The following GOLGA5 variants were observed in gnomAD, a reference collection of about 807,000 sequenced individuals.
GOLGA5 encodes the protein golgin subfamily A member 5.
In GOLGA5, 50 loss-of-function variants were observed where a neutral mutation model predicts 93.5. The ratio of observed to expected loss-of-function variants is 0.53; its 90% CI spans 0.43 to 0.68. GOLGA5 has a LOEUF of 0.68. GOLGA5 is among the 30% of genes least tolerant of loss of function. The probability of loss-of-function intolerance (pLI) is 0.00; values close to 1 mark genes in which losing one functional copy is unlikely to be tolerated. For missense variants in GOLGA5, 760 were observed against 856.4 expected, an observed-to-expected ratio of 0.89 and a Z score of 1.40; for synonymous variants, 312 against 304.5, an observed-to-expected ratio of 1.02 and a Z score of -0.26.
intron 12 of GOLGA5, among the ~76,000 whole-genome samples, chr14:92,838,376 T>G (rs900742048): frequency 2.0e-5 from 3 of 152,088 alleles, no homozygotes; most frequent in South Asian, 2.1e-4. Context: ...TTGTGTTGTT[T>G]TTTTTTTCTG....
In GOLGA5 at chr14:92,809,523, G is replaced by C; in HGVS notation, c.992+4G>C. The C allele has an allele frequency of 6.4e-7, 1 of 1,559,248 alleles. No homozygotes were observed. The highest frequency in any genetic ancestry group is 8.8e-7 in the Non-Finnish European group (1 of 1,130,948). On this transcript the variant is annotated splice_donor_region_variant and intron_variant, in intron 4 of 12. Coordinates refer to ENST00000163416, the MANE Select transcript of GOLGA5 (RefSeq NM_005113.4). ...CCTTACAGAGTGAAAAATCACGGTA[G>C]GTGATTCTATGAATAATGAAAAAAA...
chr14:92,807,082 C>A (rs1307110066), intron 3 of GOLGA5, 119 bp downstream of exon 3: 3 of 653,338 alleles, frequency 4.6e-6, no homozygotes, highest in Non-Finnish European at 8.1e-6. Flanking sequence ...GGCGGATTGC[C>A]TGAGGTCAGG....
intron 5 of GOLGA5, 152 bp downstream of exon 5, chr14:92,810,529 T>C: frequency 2.0e-6 from 1 of 509,190 alleles, no homozygotes; most frequent in Non-Finnish European, 3.3e-6. Flanking sequence ...TTTGAAAATT[T>C]AGCTTGATCC....
intron 7 of GOLGA5, among the ~76,000 whole-genome samples, chr14:92,817,184 G>A (rs1436103868): frequency 2.0e-5 from 3 of 151,924 alleles, no homozygotes; most frequent in African/African-American, 7.3e-5. Flanking sequence ...CAAGTGATCC[G>A]CCCACCTCGG....
At chr14:92,820,786 C>T (rs958056121) in intron 8 of GOLGA5, among the ~76,000 whole-genome samples, 2 of 152,240 alleles carry the variant, frequency 1.3e-5, no homozygotes, top group African/African-American at 4.8e-5. Flanking sequence ...ACATCCTGCA[C>T]AGCCCTAGAT....
rs1222202103 is a variant in GOLGA5 at position 92,806,751 on chromosome 14, C to T, written c.560C>T (p.Ser187Leu). Reference protein sequence around the residue: ...GSQTHEAASNSDSSHEGQEES... With the variant: ...GSQTHEAASNLDSSHEGQEES... The stretch of plus-strand genomic sequence containing the variant: ...TTTTTTACAGAAGCTGCCAGTAACT[C>T]AGATTCTAGCCATGAAGGTCAAGAG... The change falls in exon 3 of 13, where the codon TCA (serine) becomes TTA (leucine). Residue 187 changes from serine to leucine, a missense_variant. Physicochemically the swap from Ser to Leu is moderately radical, Grantham distance 145 (BLOSUM62 -2). Transcript: ENST00000163416. 6.2e-7 allele frequency: 1 copy of T among 1,612,570 alleles called. No homozygotes were observed. Among genetic ancestry groups the T allele is most frequent in the Non-Finnish European group, 8.5e-7 (1 of 1,178,690 alleles).
At chr14:92,795,112 C>CT (rs898449493) in intron 1 of GOLGA5, among the ~76,000 whole-genome samples, 12 of 152,074 alleles carry the variant, frequency 7.9e-5, no homozygotes, top group Non-Finnish European at 1.8e-4. Context: ...TTTTTTATTA[C>CT]TTTTTTTGTA....
At chr14:92,796,005 A>G (rs1317022558) in intron 1 of GOLGA5, among the ~76,000 whole-genome samples, 3 of 152,252 alleles carry the variant, frequency 2.0e-5, no homozygotes, top group African/African-American at 7.2e-5. Flanking sequence ...TAAGTACTCA[A>G]ATATATGTAT....
At chr14:92,803,361 C>T (rs1002703095) in intron 2 of GOLGA5, among the ~76,000 whole-genome samples, 1 of 152,118 alleles carries the variant, frequency 6.6e-6, no homozygotes, top group African/African-American at 2.4e-5. Flanking sequence ...TAAGCGAAAT[C>T]GGCCTGCGAT....
intron 10 of GOLGA5, among the ~76,000 whole-genome samples, chr14:92,835,213 G>T (rs1414122053): frequency 3.9e-5 from 6 of 152,154 alleles, no homozygotes; most frequent in African/African-American, 7.2e-5. Context: ...ACACATTTGG[G>T]AGTCCTCTGC....
intron 2 of GOLGA5, 80 bp from the exon 3 acceptor site, chr14:92,806,656 G>C (rs1884992481): frequency 3.3e-6 from 3 of 918,502 alleles, no homozygotes; most frequent in Non-Finnish European, 5.3e-6. Context: ...CAGTCAACTT[G>C]AGCATCCTAC....
chr14:92,819,109 T>TA (rs1885263542), intron 7 of GOLGA5, among the ~76,000 whole-genome samples: 1 of 152,206 alleles, frequency 6.6e-6, no homozygotes, highest in South Asian at 2.1e-4. Flanking sequence ...TTTGTGCTAT[T>TA]ATGTTTCTGA....
At chr14:92,801,280 T>G (rs916297009) in intron 2 of GOLGA5, among the ~76,000 whole-genome samples, 1 of 152,246 alleles carries the variant, frequency 6.6e-6, no homozygotes, top group Non-Finnish European at 1.5e-5. Flanking sequence ...CCAGCTATGG[T>G]TAAGAACTTC....
intron 9 of GOLGA5, among the ~76,000 whole-genome samples, chr14:92,826,155 T>C (rs1885416980): frequency 6.6e-6 from 1 of 152,062 alleles, no homozygotes; most frequent in Admixed American, 6.6e-5. Flanking sequence ...CTTTGTTTCT[T>C]AAAAAGAAAG....
In GOLGA5 at chr14:92,833,237, A is replaced by G. The variant is rs1595605070; in HGVS notation, c.1835A>G (p.Lys612Arg). The change falls in exon 10 of 13, where the codon AAG becomes AGG. Residue 612 changes from lysine to arginine, a missense_variant. By Grantham distance (26) the Lys-to-Arg change is conservative. Transcript: ENST00000163416. ...ATGCTGGAGAGTCTCAGCACAGAAA[A>G]GAACTCCCTGGTCTTTCAACTGGAG... ...QTMLESLSTE[K>R]NSLVFQLERL... is the part of the protein sequence containing the mutation. 1.9e-6 allele frequency: 3 copies of G among 1,613,906 alleles called. No homozygotes were observed. The highest frequency in any genetic ancestry group is 2.5e-6 in the Non-Finnish European group (3 of 1,179,760).
chr14:92,802,962 A>G (rs1459776140), intron 2 of GOLGA5, among the ~76,000 whole-genome samples: 2 of 152,064 alleles, frequency 1.3e-5, no homozygotes, highest in Non-Finnish European at 2.9e-5. Context: ...ATATAAAACC[A>G]AACTTAACTT....
intron 7 of GOLGA5, among the ~76,000 whole-genome samples, chr14:92,818,770 G>C (rs1422703327): frequency 6.6e-6 from 1 of 152,142 alleles, no homozygotes; most frequent in Non-Finnish European, 1.5e-5. Context: ...ATAAGATGCT[G>C]ATTTTAATCT....
intron 6 of GOLGA5, among the ~76,000 whole-genome samples, chr14:92,815,329 C>T (rs958184732): frequency 6.6e-6 from 1 of 152,184 alleles, no homozygotes; most frequent in Non-Finnish European, 1.5e-5. Context: ...GTGGTTTTTC[C>T]TCTCAGAACT....
chr14:92,830,698 C>G (rs1021907840), intron 9 of GOLGA5, among the ~76,000 whole-genome samples: 2 of 152,112 alleles, frequency 1.3e-5, no homozygotes, highest in African/African-American at 4.8e-5. Flanking sequence ...CTCCCAGGCT[C>G]TAGTGGTCCT....
Sources: allele counts gnomAD v4.1 joint callset (sites outside exome capture counted in the v4.1 genomes callset), GRCh38; gene constraint gnomAD v4.1.1; transcripts MANE v1.5; gene names NCBI Gene and HGNC (gene_info 2026-07-23, HGNC 2026-07-21).